Variants in INVS observed in about 807,000 individuals in gnomAD.
INVS encodes inversin.
INVS carries 86 observed loss-of-function variants against 108.8 expected under a neutral mutation model. That is an observed-to-expected ratio of 0.79 (90% confidence interval 0.66 to 0.95). The LOEUF (loss-of-function observed/expected upper bound fraction) is 0.95, where lower values mean the gene tolerates loss of function less well. INVS is among the 40% of genes least tolerant of loss of function. The pLI is 0.00. For synonymous variants in INVS, 455 were observed against 473.5 expected (o/e 0.96, Z 0.51); for missense variants, 1,169 against 1,297.4 (o/e 0.90, Z 1.52).
chr9:100,189,933 G>C (rs541801792), intron 3 of INVS, among the ~76,000 whole-genome samples: 1 of 152,076 alleles, frequency 6.6e-6, no homozygotes, highest in South Asian at 2.1e-4. Context: ...TCCATTTGTT[G>C]TAGAGTGCAG....
At position 100,123,607 on chromosome 9, in the gene INVS, C is replaced by A. The variant is rs117525260; in HGVS notation, c.107-2776C>A. ...CAGTTTTTGTGTGGACATATGTCTTCGTTTCTCTTGGGTACATACTTGGGA... is the reference window on the plus strand; with the variant it reads ...CAGTTTTTGTGTGGACATATGTCTTAGTTTCTCTTGGGTACATACTTGGGA... On this transcript the variant is annotated intron_variant, in intron 2 of 16. Transcript: ENST00000262457. 7.9e-5 allele frequency among the ~76,000 whole-genome samples: 12 copies of A among 152,172 alleles called. No individual in the cohort carries two copies. In the East Asian group the frequency reaches 2.3e-3, roughly 29 times the overall value.
intron 4 of INVS, 119 bp from the exon 5 acceptor site, chr9:100,229,541 A>G (rs1185285667): frequency 1.3e-5 from 11 of 833,868 alleles, no homozygotes; most frequent in Non-Finnish European, 2.2e-5. Flanking sequence ...TGAAAAGTGA[A>G]AACAAAGATA....
chr9:100,112,662 A>G (rs1284298751), intron 2 of INVS, among the ~76,000 whole-genome samples: 1 of 150,996 alleles, frequency 6.6e-6, no homozygotes, highest in Non-Finnish European at 1.5e-5. Context: ...ATAGCTGATG[A>G]GCTAAAAAAA....
intron 3 of INVS, among the ~76,000 whole-genome samples, chr9:100,220,391 C>T (rs1047217050): frequency 7.9e-5 from 12 of 151,674 alleles, no homozygotes; most frequent in African/African-American, 1.7e-4. Flanking sequence ...TAATGAAAAA[C>T]GAAAAAAAAT....
intron 10 of INVS, among the ~76,000 whole-genome samples, chr9:100,260,379 C>T (rs534397675): frequency 6.6e-6 from 1 of 150,734 alleles, no homozygotes; most frequent in Non-Finnish European, 1.5e-5. Flanking sequence ...TTTTAGTAGA[C>T]ACAGGATTTC....
At chr9:100,203,639 A>G (rs1830594682) in intron 3 of INVS, among the ~76,000 whole-genome samples, 1 of 151,476 alleles carries the variant, frequency 6.6e-6, no homozygotes, top group African/African-American at 2.4e-5. Context: ...AGTAGCTGGG[A>G]TTACAGGCAT....
At chr9:100,208,312 T>A (rs1020791740) in intron 3 of INVS, among the ~76,000 whole-genome samples, 1 of 152,228 alleles carries the variant, frequency 6.6e-6, no homozygotes, top group Non-Finnish European at 1.5e-5. Flanking sequence ...ATTTTGAAAA[T>A]GGATAATAGT....
At chr9:100,181,446 A>G (rs1829884524) in intron 3 of INVS, among the ~76,000 whole-genome samples, 2 of 152,208 alleles carry the variant, frequency 1.3e-5, no homozygotes, top group Admixed American at 6.5e-5. Context: ...TCAATGTGCA[A>G]AACTCCCAAG....
chr9:100,184,959 A>T lies in INVS; in HGVS notation c.274-41103A>T, dbSNP rs568583347. Among the ~76,000 whole-genome samples the T allele has an allele frequency of 2.0e-5, 3 of 152,294 alleles. No homozygotes were observed. The South Asian group carries it at 6.2e-4, about 32-fold the overall frequency. On this transcript the variant is annotated intron_variant, in intron 3 of 16. Coordinates refer to ENST00000262457, the MANE Select transcript of INVS (RefSeq NM_014425.5). ...TATAAAGCTATTTCTTACCTGGGCA[A>T]TTCTGTGTAATGCATGCCATAGATT...
intron 3 of INVS, among the ~76,000 whole-genome samples, chr9:100,164,899 T>TTC (rs1554718931): frequency 6.7e-6 from 1 of 150,224 alleles, no homozygotes; most frequent in Non-Finnish European, 1.5e-5. Context: ...GCTTTTTCTT[T>TTC]TTTTTTTTTT....
chr9:100,232,756 G>A (rs1161374188), intron 5 of INVS, among the ~76,000 whole-genome samples: 1 of 152,066 alleles, frequency 6.6e-6, no homozygotes, highest in Non-Finnish European at 1.5e-5. Context: ...GTTTACTGTA[G>A]CCTTGTATTA....
intron 3 of INVS, among the ~76,000 whole-genome samples, chr9:100,170,787 G>A (rs1829513551): frequency 6.6e-6 from 1 of 151,988 alleles, no homozygotes; most frequent in Non-Finnish European, 1.5e-5. Flanking sequence ...ACAAATATTT[G>A]TGCAAAAGCC....
intron 5 of INVS, among the ~76,000 whole-genome samples, chr9:100,234,809 T>C (rs1267835647): frequency 6.6e-6 from 1 of 152,032 alleles, no homozygotes. Flanking sequence ...TAGAGTAAGT[T>C]CTATGTGGTA....
intron 3 of INVS, among the ~76,000 whole-genome samples, chr9:100,219,442 T>C (rs1831079102): frequency 6.6e-6 from 1 of 152,002 alleles, no homozygotes; most frequent in Admixed American, 6.6e-5. Context: ...ACCCCTTCTA[T>C]TAAAAAACAA....
chr9:100,102,629 A>C (rs1402609470), intron 1 of INVS: 1 of 152,216 alleles, frequency 6.6e-6, no homozygotes, highest in Non-Finnish European at 1.5e-5. Flanking sequence ...CGCTTAACTC[A>C]GGAGTTTCAG....
At chr9:100,158,381 A>G (rs754548123) in intron 3 of INVS, among the ~76,000 whole-genome samples, 4 of 152,224 alleles carry the variant, frequency 2.6e-5, no homozygotes, top group African/African-American at 7.2e-5. Flanking sequence ...TTCTCTAAGT[A>G]TATTGAATAA....
chr9:100,100,898 T>TGC (rs1826916219), intron 1 of INVS, among the ~76,000 whole-genome samples: 1 of 46,488 alleles, frequency 2.2e-5, no homozygotes, highest in African/African-American at 1.4e-4. Context: ...ATATATATTA[T>TGC]ATATGTATAT....
chr9:100,119,344 G>A (rs962286986), intron 2 of INVS, among the ~76,000 whole-genome samples: 2 of 152,094 alleles, frequency 1.3e-5, no homozygotes, highest in South Asian at 2.1e-4. Context: ...TTTTAATAAA[G>A]TACTATATTA....
chr9:100,151,277 A>T (rs1196513637), intron 3 of INVS, among the ~76,000 whole-genome samples: 1 of 152,232 alleles, frequency 6.6e-6, no homozygotes, highest in South Asian at 2.1e-4. Flanking sequence ...AGAGTTTGAG[A>T]CCAGCCTGGT....
Sources: allele counts gnomAD v4.1 joint callset (sites outside exome capture counted in the v4.1 genomes callset), GRCh38; gene constraint gnomAD v4.1.1; transcripts MANE v1.5; gene names NCBI Gene and HGNC (gene_info 2026-07-23, HGNC 2026-07-21).